The following ROR1 variants were observed in gnomAD, a reference collection of about 807,000 sequenced individuals.
ROR1 encodes the protein inactive tyrosine-protein kinase transmembrane receptor ROR1.
ROR1 carries 19 observed loss-of-function variants against 78.8 expected under a neutral mutation model. The ratio of observed to expected loss-of-function variants is 0.24; its 90% CI spans 0.17 to 0.35. The LOEUF (loss-of-function observed/expected upper bound fraction) is 0.35, where lower values mean the gene tolerates loss of function less well. Ranked by LOEUF, ROR1 falls within the 10% of genes least tolerant of loss-of-function variation. The pLI, the probability that ROR1 is intolerant of heterozygous loss-of-function variation, is 1.00. For synonymous variants in ROR1, 386 were observed against 433.6 expected (o/e 0.89, Z 1.36); for missense variants, 917 against 1,177.8 (o/e 0.78, Z 3.24).
intron 4 of ROR1, among the ~76,000 whole-genome samples, chr1:64,098,138 A>G (rs187252045): frequency 3.3e-5 from 5 of 152,262 alleles, no homozygotes; most frequent in Non-Finnish European, 5.9e-5. Flanking sequence ...AGGAGACTCC[A>G]GGGCAGTGAT....
At chr1:64,018,289 T>C (rs919511502) in intron 2 of ROR1, among the ~76,000 whole-genome samples, 1 of 152,124 alleles carries the variant, frequency 6.6e-6, no homozygotes, top group African/African-American at 2.4e-5. Flanking sequence ...CCTCCCTCAG[T>C]TTCCTGCTTC....
At chr1:64,112,583 G>C (rs943039954) in intron 4 of ROR1, among the ~76,000 whole-genome samples, 4 of 152,134 alleles carry the variant, frequency 2.6e-5, no homozygotes, top group African/African-American at 9.7e-5. Flanking sequence ...GAACTTTGTA[G>C]AATAGGATGC....
chr1:63,878,740 A>G (rs545605917), intron 1 of ROR1, among the ~76,000 whole-genome samples: 41 of 152,170 alleles, frequency 2.7e-4, no homozygotes, highest in African/African-American at 9.9e-4. Context: ...GGTTACTCTC[A>G]TCCAGGGCAT....
At chr1:63,912,019 G>A (rs1569898049) in intron 1 of ROR1, among the ~76,000 whole-genome samples, 1 of 151,906 alleles carries the variant, frequency 6.6e-6, no homozygotes. Flanking sequence ...AGGGACAGTG[G>A]CTGCCACCTG....
intron 1 of ROR1, among the ~76,000 whole-genome samples, chr1:63,832,369 G>A (rs182839652): frequency 6.6e-6 from 1 of 152,298 alleles, no homozygotes; most frequent in East Asian, 1.9e-4. Context: ...ACTGGGTAAT[G>A]TATAAGCAAA....
intron 1 of ROR1, among the ~76,000 whole-genome samples, chr1:63,789,674 CTTTTTTTTTTT>C (rs902307163): frequency 1.9e-5 from 2 of 102,586 alleles, no homozygotes; most frequent in Non-Finnish European, 4.0e-5. Context: ...CCTTCCTCTC[CTTTTTTTTTTT>C]TTTTTTTTTT....
At chr1:63,956,297 A>C (rs1472147236) in intron 1 of ROR1, among the ~76,000 whole-genome samples, 1 of 152,154 alleles carries the variant, frequency 6.6e-6, no homozygotes, top group African/African-American at 2.4e-5. Context: ...CAGTCCCAGC[A>C]GAGCTCATTT....
intron 4 of ROR1, among the ~76,000 whole-genome samples, chr1:64,063,049 G>A (rs1257322683): frequency 2.0e-5 from 3 of 152,300 alleles, no homozygotes; most frequent in African/African-American, 7.2e-5. Context: ...TTAGAAAGAA[G>A]TGAAACCCCA....
intron 1 of ROR1, among the ~76,000 whole-genome samples, chr1:63,896,803 GC>G (rs1442405928): frequency 3.3e-5 from 5 of 152,166 alleles, no homozygotes; most frequent in African/African-American, 1.2e-4. Context: ...CCTTATGTAT[GC>G]CTTGCACACC....
At chr1:64,080,780 T>G (rs1034988593) in intron 4 of ROR1, among the ~76,000 whole-genome samples, 1 of 152,182 alleles carries the variant, frequency 6.6e-6, no homozygotes, top group East Asian at 1.9e-4. Flanking sequence ...CATTTGCTTT[T>G]GAGTAGGAGC....
At chr1:64,146,904 G>A (rs1355049560) in intron 7 of ROR1, among the ~76,000 whole-genome samples, 1 of 152,154 alleles carries the variant, frequency 6.6e-6, no homozygotes, top group African/African-American at 2.4e-5. Flanking sequence ...TGTGGGGTAG[G>A]TATGATTAAC....
intron 7 of ROR1, among the ~76,000 whole-genome samples, chr1:64,157,489 C>T (rs979292715): frequency 2.0e-5 from 3 of 152,156 alleles, no homozygotes; most frequent in African/African-American, 7.2e-5. Context: ...TAACCCCTCT[C>T]CAGGCTCTTC....
chr1:63,838,328 G>A (rs1436271034), intron 1 of ROR1, among the ~76,000 whole-genome samples: 1 of 151,888 alleles, frequency 6.6e-6, no homozygotes, highest in African/African-American at 2.4e-5. Context: ...TATTTCAGAA[G>A]AAGGCATTGT....
chr1:63,774,305 G>T lies in ROR1; in HGVS notation c.-113G>T. The T allele has an allele frequency of 1.8e-6, 1 of 560,294 alleles. No homozygotes were observed. The highest frequency in any genetic ancestry group is 2.2e-5 in the South Asian group (1 of 45,810). 34.7% of individuals were successfully genotyped at this position (560,294 alleles called of 1,614,324 possible). ...AAAGAGCTTTGCAGACGTCCCCGGC[G>T]TCCTGCGAGCGCCAGCGGCCGGGAC... On this transcript the variant is annotated 5_prime_UTR_variant, in exon 1 of 9. Coordinates refer to ENST00000371079, the MANE Select transcript of ROR1 (RefSeq NM_005012.4). The surrounding 1 kb of genome is among the most constrained non-coding windows in gnomAD (Gnocchi z 5.7).
intron 1 of ROR1, among the ~76,000 whole-genome samples, chr1:63,859,825 A>G (rs1243188681): frequency 4.6e-5 from 7 of 152,238 alleles, no homozygotes; most frequent in Non-Finnish European, 1.0e-4. Context: ...TCTGAGCTTC[A>G]GTCTCTTCCT....
chr1:63,787,021 A>C (rs1644692534), intron 1 of ROR1, among the ~76,000 whole-genome samples: 1 of 152,170 alleles, frequency 6.6e-6, no homozygotes. Flanking sequence ...GGGAATAATG[A>C]ATTGATCCAA....
chr1:63,836,570 T>G (rs1198240382), intron 1 of ROR1, among the ~76,000 whole-genome samples: 2 of 152,046 alleles, frequency 1.3e-5, no homozygotes, highest in African/African-American at 4.8e-5. Flanking sequence ...AGTCCAGAGG[T>G]TATAAACAGA....
chr1:64,159,263 C>A, intron 8 of ROR1, 71 bp downstream of exon 8: 1 of 1,189,320 alleles, frequency 8.4e-7, no homozygotes, highest in East Asian at 2.3e-5. Context: ...ATAACCCTCC[C>A]AAGCTTGGAA....
chr1:64,054,052 C>T (rs539607910), intron 4 of ROR1, among the ~76,000 whole-genome samples: 3 of 152,000 alleles, frequency 2.0e-5, no homozygotes, highest in South Asian at 2.1e-4. Context: ...CTACTGGGCT[C>T]AAGCCATCCT....
Sources: gnomAD v4.1 joint callset for allele counts (sites outside exome capture counted in the v4.1 genomes callset) on GRCh38, gnomAD v4.1.1 for gene constraint, Gnocchi (gnomAD v3.1) non-coding constraint, MANE v1.5 for transcripts, NCBI Gene and HGNC (gene_info 2026-07-23, HGNC 2026-07-21) for gene names.